Variants in FGGY observed in about 807,000 individuals in gnomAD.
The protein encoded by FGGY is FGGY carbohydrate kinase domain containing.
Under a neutral mutation model 71.3 loss-of-function variants are expected in FGGY, and 72 were observed. The observed-to-expected ratio is 1.01, with a 90% CI of 0.84 to 1.23. The LOEUF (loss-of-function observed/expected upper bound fraction) is 1.23, where lower values mean the gene tolerates loss of function less well. Ranked by LOEUF, FGGY falls within the 50% of genes most tolerant of loss-of-function variation. The pLI is 0.00. For synonymous variants in FGGY, 251 were observed against 250.3 expected, an observed-to-expected ratio of 1.00 and a Z score of -0.02; for missense variants, 668 against 682.3, an observed-to-expected ratio of 0.98 and a Z score of 0.23.
chr1:59,440,854 C>T (rs907390469), intron 5 of FGGY, among the ~76,000 whole-genome samples: 12 of 151,348 alleles, frequency 7.9e-5, no homozygotes, highest in East Asian at 1.9e-4. Context: ...TTCAGGAGTG[C>T]GTTACCAAGT....
intron 9 of FGGY, among the ~76,000 whole-genome samples, chr1:59,613,681 A>T (rs1046660916): frequency 2.6e-5 from 4 of 152,156 alleles, no homozygotes; most frequent in Non-Finnish European, 5.9e-5. Context: ...GACACAAAAA[A>T]CCCTTCAAAA....
chr1:59,673,688 T>G (rs1334610258), intron 13 of FGGY: 4 of 246,002 alleles, frequency 1.6e-5, no homozygotes, highest in Non-Finnish European at 3.3e-5. Flanking sequence ...TTCATCTCAG[T>G]ATTCCCTCGG....
rs534762532 is a variant in FGGY, at chr1:59,666,080, A to G, written c.1297-1203A>G. Among the ~76,000 whole-genome samples, 74 of 152,074 alleles carry G rather than the reference A, an allele frequency of 4.9e-4. No individual in the cohort carries two copies. In the South Asian group the frequency reaches 6.9e-3, roughly 14 times the overall value. On this transcript the variant is annotated intron_variant, in intron 12 of 15. Coordinates refer to ENST00000303721, the MANE Select transcript of FGGY (RefSeq NM_018291.5). ...AGGTTTCAACCTGAACAATACTGTCACACTTTCACTAAAAACCAAGATATT... is the reference window on the plus strand; with the variant it reads ...AGGTTTCAACCTGAACAATACTGTCGCACTTTCACTAAAAACCAAGATATT...
chr1:59,589,939 C>G (rs375345041), intron 8 of FGGY, among the ~76,000 whole-genome samples: 10 of 151,950 alleles, frequency 6.6e-5, no homozygotes, highest in African/African-American at 9.7e-5. Context: ...ACTAAAATCA[C>G]AGCAGAACTG....
chr1:59,423,844 T>C (rs554342633), intron 5 of FGGY, among the ~76,000 whole-genome samples: 79 of 152,348 alleles, frequency 5.2e-4, no homozygotes, highest in African/African-American at 1.8e-3. Context: ...GGCAAACTCC[T>C]ATGCATTCTT....
intron 9 of FGGY, among the ~76,000 whole-genome samples, chr1:59,609,169 A>G (rs1347730498): frequency 6.6e-6 from 1 of 152,236 alleles, no homozygotes; most frequent in Non-Finnish European, 1.5e-5. Flanking sequence ...AATAACGGCT[A>G]ATTTGAGGGT....
intron 14 of FGGY, among the ~76,000 whole-genome samples, 168 bp downstream of exon 14, chr1:59,674,301 G>A (rs969931071): frequency 2.0e-5 from 3 of 152,142 alleles, no homozygotes; most frequent in Non-Finnish European, 4.4e-5. Flanking sequence ...ATTTATTGCA[G>A]TTTTCATTTG....
intron 4 of FGGY, among the ~76,000 whole-genome samples, chr1:59,354,924 A>T (rs1435066456): frequency 6.6e-6 from 1 of 152,188 alleles, no homozygotes; most frequent in Non-Finnish European, 1.5e-5. Flanking sequence ...CAACAGATTC[A>T]CTGTGGGGGA....
chr1:59,355,434 G>A (rs2054126921), intron 4 of FGGY, among the ~76,000 whole-genome samples: 1 of 152,108 alleles, frequency 6.6e-6, no homozygotes, highest in Admixed American at 6.5e-5. Flanking sequence ...GGTTGGAAGA[G>A]TTTGCTACTG....
intron 9 of FGGY, among the ~76,000 whole-genome samples, chr1:59,614,291 T>A (rs1448097135): frequency 6.6e-6 from 1 of 152,152 alleles, no homozygotes; most frequent in African/African-American, 2.4e-5. Context: ...ATCAAAAAGC[T>A]TATCCACCAT....
chr1:59,753,383 C>T lies in FGGY; in HGVS notation c.1513-4548C>T, dbSNP rs570721517. 4.3e-4 allele frequency among the ~76,000 whole-genome samples: 64 copies of T among 149,232 alleles called. 1 individual carries two copies. The South Asian group carries it at 0.012, about 28-fold the overall frequency. On this transcript the variant is annotated intron_variant, in intron 14 of 15. Transcript: ENST00000303721. ...TCTCAGGGTATTCTCCACGTTGTGT[C>T]AGGGACCCATAATGAGCCCTGCCTT...
At chr1:59,408,673 C>G (rs2063133901) in intron 5 of FGGY, among the ~76,000 whole-genome samples, 2 of 152,046 alleles carry the variant, frequency 1.3e-5, no homozygotes, top group South Asian at 4.2e-4. Context: ...TACTTCACAT[C>G]ATTTTTTTCC....
chr1:59,370,961 T>C lies in FGGY; in HGVS notation c.466-7788T>C, dbSNP rs1314570536. 2.6e-5 allele frequency among the ~76,000 whole-genome samples: 4 copies of C among 151,004 alleles called. No homozygotes were observed. In the East Asian group the frequency reaches 7.8e-4, roughly 29 times the overall value. ...CAGCCACTGCAAAATCATGGCAAAA[T>C]GTAAAGACCATCGAGACTAGGAAGA... On this transcript the variant is annotated intron_variant, in intron 4 of 15. Transcript: ENST00000303721.
chr1:59,643,206 T>C (rs2097055828), intron 11 of FGGY, among the ~76,000 whole-genome samples: 1 of 152,058 alleles, frequency 6.6e-6, no homozygotes, highest in Admixed American at 6.5e-5. Flanking sequence ...AGAGACAGGA[T>C]CTTGCTCTTT....
intron 12 of FGGY, among the ~76,000 whole-genome samples, chr1:59,666,096 C>A (rs1478876573): frequency 2.6e-5 from 4 of 152,234 alleles, no homozygotes; most frequent in Non-Finnish European, 5.9e-5. Flanking sequence ...TCACTAAAAA[C>A]CAAGATATTG....
chr1:59,591,796 G>T (rs866815990), intron 8 of FGGY, among the ~76,000 whole-genome samples: 1 of 152,150 alleles, frequency 6.6e-6, no homozygotes, highest in African/African-American at 2.4e-5. Flanking sequence ...ATTCAAGATG[G>T]ATTAAAGACT....
intron 5 of FGGY, among the ~76,000 whole-genome samples, chr1:59,426,117 C>A (rs1303472491): frequency 1.3e-5 from 2 of 152,126 alleles, no homozygotes; most frequent in East Asian, 3.9e-4. Flanking sequence ...GGGTGGAGGG[C>A]ATTTAACATG....
chr1:59,518,163 T>A (rs1480538740), intron 7 of FGGY, among the ~76,000 whole-genome samples: 1 of 152,220 alleles, frequency 6.6e-6, no homozygotes, highest in African/African-American at 2.4e-5. Context: ...GATTTTGAAT[T>A]TCTTTTCTTT....
chr1:59,472,935 TG>T (rs1169379523), intron 6 of FGGY, among the ~76,000 whole-genome samples: 2 of 152,094 alleles, frequency 1.3e-5, no homozygotes, highest in African/African-American at 4.8e-5. Flanking sequence ...GGTGGGGACT[TG>T]GAGAACCTTT....
Sources: allele counts gnomAD v4.1 joint callset (sites outside exome capture counted in the v4.1 genomes callset), GRCh38; gene constraint gnomAD v4.1.1; transcripts MANE v1.5; gene names NCBI Gene and HGNC (gene_info 2026-07-23, HGNC 2026-07-21).